DAGLB: variants seen among roughly 807,000 people sequenced by gnomAD.
DAGLB encodes diacylglycerol lipase beta, also known as diacylglycerol lipase-beta.
A neutral mutation model predicts 72.1 loss-of-function variants in DAGLB; 66 were observed. The ratio of observed to expected loss-of-function variants is 0.92; its 90% CI spans 0.75 to 1.12. The LOEUF (loss-of-function observed/expected upper bound fraction) is 1.12, where lower values mean the gene tolerates loss of function less well. DAGLB is among the 50% of genes most tolerant of loss of function. The pLI, the probability that DAGLB is intolerant of heterozygous loss-of-function variation, is 0.00. For missense variants in DAGLB, 1,065 were observed against 884.9 expected (o/e 1.20, Z -2.58); for synonymous variants, 414 against 359.5 (o/e 1.15, Z -1.71).
At chr7:6,430,793 T>G (rs1044273141) in intron 5 of DAGLB, among the ~76,000 whole-genome samples, 186 bp from the exon 6 acceptor site, 7 of 152,012 alleles carry the variant, frequency 4.6e-5, no homozygotes, top group Non-Finnish European at 1.0e-4. Flanking sequence ...CATTTTTTTT[T>G]TTTTTTAGAG....
intron 4 of DAGLB, among the ~76,000 whole-genome samples, chr7:6,433,533 T>C (rs973185206): frequency 2.6e-5 from 4 of 152,170 alleles, no homozygotes; most frequent in Admixed American, 2.6e-4. Flanking sequence ...CGGGTACTTG[T>C]AGCCCGTAAG....
chr7:6,423,924 C>T (rs1003973402), intron 8 of DAGLB, among the ~76,000 whole-genome samples: 4 of 152,096 alleles, frequency 2.6e-5, no homozygotes, highest in Non-Finnish European at 4.4e-5. Context: ...GTGAACAGGG[C>T]GCCCCCCGGG....
intron 4 of DAGLB, 133 bp downstream of exon 4, chr7:6,434,629 T>A: frequency 7.0e-7 from 1 of 1,431,880 alleles, no homozygotes; most frequent in Non-Finnish European, 9.5e-7. Context: ...AGACAGAGGG[T>A]CTCCGGCCAC....
At chr7:6,411,072 G>A (rs1783712008) in intron 13 of DAGLB, among the ~76,000 whole-genome samples, 1 of 151,868 alleles carries the variant, frequency 6.6e-6, no homozygotes, top group Admixed American at 6.6e-5. Flanking sequence ...TTTTAATAGA[G>A]ACGGGGTTTC....
rs1167566310 is a variant in DAGLB at position 6,416,919 on chromosome 7, A to C, written c.1221T>G (p.Gly407=). The part of the protein sequence containing the change: ...CEVQDRLAHK[G]ISQAARYVYQ... Reference sequence around the variant, plus strand: ...AAACGTATCTGGCAGCTTGAGAAATACCCTAAAAACACAGACAAAGAAGGT... The same window carrying C: ...AAACGTATCTGGCAGCTTGAGAAATCCCCTAAAAACACAGACAAAGAAGGT... The change falls in exon 10 of 15, where the codon GGT becomes GGG. Residue 407 remains glycine (G), a splice_region_variant and synonymous_variant. Coordinates refer to ENST00000297056, the MANE Select transcript of DAGLB (RefSeq NM_139179.4). 6.2e-7 allele frequency: 1 copy of C among 1,614,018 alleles called. No individual in the cohort carries two copies. Among genetic ancestry groups the C allele is most frequent in the East Asian group, 2.2e-5 (1 of 44,894 alleles).
intron 2 of DAGLB, among the ~76,000 whole-genome samples, chr7:6,442,481 C>T (rs1421943715): frequency 6.6e-6 from 1 of 152,132 alleles, no homozygotes; most frequent in Non-Finnish European, 1.5e-5. Context: ...TCCACTCTGA[C>T]CCTGCTATTA....
In DAGLB at chr7:6,434,905, T is replaced by G; in HGVS notation, c.535A>C (p.Ser179Arg). 6.2e-7 allele frequency: 1 copy of G among 1,614,212 alleles called. No homozygotes were observed. The highest frequency in any genetic ancestry group is 8.5e-7 in the Non-Finnish European group (1 of 1,180,040). Residue 179 changes from serine to arginine, a missense_variant, in exon 4 of 15, where the codon AGC (serine) becomes CGC (arginine). By Grantham distance (110) the Ser-to-Arg change is moderately radical. Transcript: ENST00000297056. ...GTCTTGAGGCCATTAAGTAACTGGC[T>G]TGAATCATGACTATCCAGGTGGCTG... is the stretch of plus-strand genomic sequence containing the variant. Reference protein sequence around the residue: ...GPSHLDSHDSSQLLNGLKTAA... With the variant: ...GPSHLDSHDSRQLLNGLKTAA...
intron 7 of DAGLB, 63 bp from the exon 8 acceptor site, chr7:6,424,898 C>G: frequency 1.9e-6 from 3 of 1,546,244 alleles, no homozygotes; most frequent in Non-Finnish European, 2.7e-6. Flanking sequence ...CACGCAAAGT[C>G]GGAGCCCTGC....
At chr7:6,412,618 C>A in intron 13 of DAGLB, 193 bp downstream of exon 13, 1 of 648,884 alleles carries the variant, frequency 1.5e-6, no homozygotes, top group Admixed American at 2.7e-5. Context: ...ACATTTCCCG[C>A]ACTTGCTGCA....
In DAGLB at chr7:6,424,778, C is replaced by G; in HGVS notation, c.1114G>C (p.Ala372Pro). The part of the protein sequence containing the change: ...LDHRKESVVV[A>P]VRGTMSLQDV... ...TGCAGAGACATGGTCCCCCTCACAG[C>G]GACCACAACAGACTCTTTCCTGTGA... is the stretch of plus-strand genomic sequence containing the variant. Residue 372 changes from alanine (A) to proline (P), a missense_variant, in exon 8 of 15, where the codon GCT (alanine) becomes CCT (proline). Transcript: ENST00000297056. 1 of 1,613,788 alleles carries G rather than the reference C, an allele frequency of 6.2e-7. No homozygotes were observed. Among genetic ancestry groups the G allele is most frequent in the Non-Finnish European group, 8.5e-7 (1 of 1,179,838 alleles).
Position 6,409,673 on chromosome 7 carries a change from T to G in DAGLB, c.*164A>C. Reference sequence around the variant, plus strand: ...CTGCTACCATTATGGCCACAATGACTTCCCATAAACTTAAGTCATTGAGAC... The same window carrying G: ...CTGCTACCATTATGGCCACAATGACGTCCCATAAACTTAAGTCATTGAGAC... On this transcript the variant is annotated 3_prime_UTR_variant, in exon 15 of 15. Coordinates refer to ENST00000297056, the MANE Select transcript of DAGLB (RefSeq NM_139179.4). 1 of 837,668 alleles carries G rather than the reference T, an allele frequency of 1.2e-6. No homozygotes were observed. Among genetic ancestry groups the G allele is most frequent in the South Asian group, 1.8e-5 (1 of 55,608 alleles). The allele number at this position is 837,668 out of a possible 1,614,324, so 51.9% of individuals were successfully genotyped here.
At chr7:6,433,876 T>C (rs566663277) in intron 4 of DAGLB, among the ~76,000 whole-genome samples, 1 of 150,518 alleles carries the variant, frequency 6.6e-6, no homozygotes, top group East Asian at 2.0e-4. Context: ...AAAGACAATA[T>C]ACTGGCCACT....
chr7:6,418,091 G>A (rs1345123240), intron 9 of DAGLB, among the ~76,000 whole-genome samples: 8 of 152,014 alleles, frequency 5.3e-5, no homozygotes, highest in Non-Finnish European at 1.0e-4. Context: ...GGCTAGTCTC[G>A]AACTCCTGAC....
rs201911372 is a variant in DAGLB at position 6,410,130 on chromosome 7, C to G, written c.1820G>C (p.Arg607Pro). 1 of 1,568,700 alleles carries G rather than the reference C, an allele frequency of 6.4e-7. No homozygotes were observed. Among genetic ancestry groups the G allele is most frequent in the East Asian group, 2.3e-5 (1 of 44,152 alleles). Residue 607 changes from arginine to proline, a missense_variant and splice_region_variant, in exon 14 of 15, where the codon CGG becomes CCG. Arg to Pro is a moderately radical substitution (Grantham distance 103). Transcript: ENST00000297056. ...IHLQEEGASG[R>P]FGCCSAAHYS... is the part of the protein sequence containing the mutation. ...ACCACACCCACCACGCCGCACTCAC[C>G]GCCCCGAGGCGCCCTCCTCCTGCAG...
chr7:6,413,573 T>G (rs1783804670), intron 11 of DAGLB, among the ~76,000 whole-genome samples: 1 of 149,522 alleles, frequency 6.7e-6, no homozygotes, highest in South Asian at 2.1e-4. Flanking sequence ...GAGCTGGCAG[T>G]GAACTGAGAT....
chr7:6,436,898 G>A (rs559060270), intron 2 of DAGLB, among the ~76,000 whole-genome samples: 2 of 152,114 alleles, frequency 1.3e-5, no homozygotes, highest in South Asian at 4.1e-4. Context: ...TGTACTCCCA[G>A]CACTTTGGGA....
At chr7:6,427,575 G>A (rs763150086) in intron 6 of DAGLB, among the ~76,000 whole-genome samples, 10 of 152,084 alleles carry the variant, frequency 6.6e-5, no homozygotes, top group East Asian at 1.9e-4. Flanking sequence ...AGAGAACCCC[G>A]TCTCTTAAAA....
chr7:6,430,428 T>A, intron 6 of DAGLB, 52 bp downstream of exon 6: 3 of 1,106,562 alleles, frequency 2.7e-6, no homozygotes, highest in Non-Finnish European at 3.5e-6. Flanking sequence ...TCAAAATAGC[T>A]TTTTTTTTTA....
At chr7:6,433,530 T>G (rs1583296461) in intron 4 of DAGLB, among the ~76,000 whole-genome samples, 1 of 152,202 alleles carries the variant, frequency 6.6e-6, no homozygotes, top group Middle Eastern at 3.2e-3. Flanking sequence ...CTCCGGGTAC[T>G]TGTAGCCCGT....
Sources: allele counts gnomAD v4.1 joint callset (sites outside exome capture counted in the v4.1 genomes callset), GRCh38; gene constraint gnomAD v4.1.1; transcripts MANE v1.5; gene names NCBI Gene and HGNC (gene_info 2026-07-23, HGNC 2026-07-21).